The following CSMD1 variants were observed in gnomAD, a reference collection of about 807,000 sequenced individuals.
CSMD1 encodes CUB and Sushi multiple domains 1.
A neutral mutation model predicts 417.5 loss-of-function variants in CSMD1; 213 were observed. That is an observed-to-expected ratio of 0.51 (90% CI 0.46 to 0.57). The LOEUF is 0.57. CSMD1 is among the 20% of genes least tolerant of loss of function. CSMD1 has a pLI of 0.00. For synonymous variants in CSMD1, 2,862 were observed against 1,736.8 expected (o/e 1.65, Z -16.11); for missense variants, 6,923 against 4,529.7 (o/e 1.53, Z -15.17).
chr8:3,095,127 C>T (rs1040905510), intron 47 of CSMD1, among the ~76,000 whole-genome samples: 4 of 152,080 alleles, frequency 2.6e-5, no homozygotes, highest in Admixed American at 6.6e-5. Context: ...GACTTAAAAG[C>T]ATGGCCAGTA....
At chr8:4,524,666 T>C (rs948055881) in intron 2 of CSMD1, among the ~76,000 whole-genome samples, 1 of 151,894 alleles carries the variant, frequency 6.6e-6, no homozygotes, top group Admixed American at 6.6e-5. Flanking sequence ...AATAAATGTC[T>C]TTATCTCCTT....
intron 3 of CSMD1, among the ~76,000 whole-genome samples, chr8:4,065,766 G>C (rs1799213766): frequency 6.6e-6 from 1 of 152,104 alleles, no homozygotes; most frequent in Non-Finnish European, 1.5e-5. Flanking sequence ...TAAATATTTG[G>C]GGAACTACAG....
chr8:3,711,598 ATC>A (rs1801513212), intron 6 of CSMD1, among the ~76,000 whole-genome samples: 1 of 151,906 alleles, frequency 6.6e-6, no homozygotes, highest in African/African-American at 2.4e-5. Flanking sequence ...TCTCATCCTC[ATC>A]TCTGTGTTGT....
At chr8:3,055,183 C>T (rs1353819444) in intron 49 of CSMD1, among the ~76,000 whole-genome samples, 5 of 152,122 alleles carry the variant, frequency 3.3e-5, no homozygotes, top group African/African-American at 7.2e-5. Flanking sequence ...AGCCCCATCA[C>T]AAAACAATTC....
intron 36 of CSMD1, among the ~76,000 whole-genome samples, chr8:3,187,010 G>C (rs1821805920): frequency 6.6e-6 from 1 of 152,190 alleles, no homozygotes; most frequent in Non-Finnish European, 1.5e-5. Flanking sequence ...CCAATGTAAT[G>C]CCGGGCTTAC....
At chr8:4,932,493 C>T (rs1807313592) in intron 1 of CSMD1, among the ~76,000 whole-genome samples, 1 of 152,106 alleles carries the variant, frequency 6.6e-6, no homozygotes, top group African/African-American at 2.4e-5. Context: ...AGGCCTATTT[C>T]AATTAAAATG....
chr8:4,384,792 T>C (rs1310075049), intron 3 of CSMD1, among the ~76,000 whole-genome samples: 1 of 152,156 alleles, frequency 6.6e-6, no homozygotes, highest in Non-Finnish European at 1.5e-5. Context: ...ACTTCACTAA[T>C]CAGTCCTACA....
At chr8:4,757,959 CAAAAAAAAAAA>C (rs35869578) in intron 1 of CSMD1, among the ~76,000 whole-genome samples, 2 of 72,058 alleles carry the variant, frequency 2.8e-5, no homozygotes, top group African/African-American at 1.1e-4. Flanking sequence ...GACTTTGTCT[CAAAAAAAAAAA>C]AAAAAAAAAA....
intron 5 of CSMD1, among the ~76,000 whole-genome samples, chr8:3,783,015 A>G (rs534333408): frequency 6.6e-6 from 1 of 152,204 alleles, no homozygotes; most frequent in Admixed American, 6.5e-5. Flanking sequence ...CCTATAGCAC[A>G]TCGCAAGCAC....
At position 4,151,727 on chromosome 8, in the gene CSMD1, G is replaced by A. The variant is rs542827633; in HGVS notation, c.416-119628C>T. Among the ~76,000 whole-genome samples the A allele has an allele frequency of 3.3e-5, 5 of 152,182 alleles. No individual in the cohort carries two copies. In the South Asian group the frequency reaches 8.3e-4, roughly 25 times the overall value. Reference sequence around the variant, plus strand: ...AGCTCACACAGATAAATTAACAGCGGGTAAATACTAGAGGAAGACTGTAGC... The same window carrying A: ...AGCTCACACAGATAAATTAACAGCGAGTAAATACTAGAGGAAGACTGTAGC... On this transcript the variant is annotated intron_variant, in intron 3 of 69. Transcript: ENST00000635120.
intron 46 of CSMD1, among the ~76,000 whole-genome samples, chr8:3,097,350 C>T: frequency 6.6e-6 from 1 of 152,180 alleles, no homozygotes; most frequent in African/African-American, 2.4e-5. Context: ...CCTAACTCTA[C>T]TACAAAGAAG....
chr8:3,561,284 T>A (rs1415753108), intron 10 of CSMD1, among the ~76,000 whole-genome samples: 2 of 152,172 alleles, frequency 1.3e-5, no homozygotes, highest in Non-Finnish European at 2.9e-5. Context: ...TACTACTAGG[T>A]ATCTACTCAA....
At position 3,105,513 on chromosome 8, in the gene CSMD1, C is replaced by G. The variant is rs1489800725; in HGVS notation, c.6949+1015G>C. On this transcript the variant is annotated intron_variant, in intron 46 of 69. Transcript: ENST00000635120. Reference sequence around the variant, plus strand: ...TTCAAGCCTTTTTCATTCAATGATACTTGAAAGTGGTGTCTATTAATATTT... The same window carrying G: ...TTCAAGCCTTTTTCATTCAATGATAGTTGAAAGTGGTGTCTATTAATATTT... Among the ~76,000 whole-genome samples, 13 of 152,222 alleles carry G rather than the reference C, an allele frequency of 8.5e-5. No homozygotes were observed. The East Asian group carries it at 2.3e-3, about 27-fold the overall frequency.
chr8:3,302,100 C>A (rs1488600310), intron 25 of CSMD1, among the ~76,000 whole-genome samples: 1 of 151,922 alleles, frequency 6.6e-6, no homozygotes, highest in East Asian at 1.9e-4. Context: ...CTAAAGTCTC[C>A]CGCCCCTTGG....
intron 3 of CSMD1, among the ~76,000 whole-genome samples, chr8:4,169,719 C>G (rs118093816): frequency 9.9e-5 from 15 of 152,264 alleles, no homozygotes; most frequent in Admixed American, 3.3e-4. Context: ...GCTCCCTACC[C>G]CATTCTCACT....
intron 7 of CSMD1, among the ~76,000 whole-genome samples, chr8:3,637,879 G>C (rs1015124634): frequency 6.6e-6 from 1 of 152,124 alleles, no homozygotes; most frequent in Non-Finnish European, 1.5e-5. Flanking sequence ...AGATCTGATG[G>C]TTTTCTACAG....
intron 2 of CSMD1, among the ~76,000 whole-genome samples, chr8:4,615,766 A>G (rs1185056624): frequency 6.6e-6 from 1 of 152,198 alleles, no homozygotes; most frequent in Non-Finnish European, 1.5e-5. Context: ...CTACATTTCA[A>G]TTAATACTAC....
At chr8:4,669,170 A>G (rs865774317) in intron 1 of CSMD1, among the ~76,000 whole-genome samples, 5 of 152,130 alleles carry the variant, frequency 3.3e-5, no homozygotes, top group African/African-American at 1.2e-4. Flanking sequence ...TAGGGCTGGG[A>G]TGTGAATACT....
intron 3 of CSMD1, among the ~76,000 whole-genome samples, chr8:4,177,174 C>CT (rs1798096986): frequency 1.3e-5 from 2 of 152,018 alleles, no homozygotes; most frequent in Non-Finnish European, 2.9e-5. Context: ...GACCACATAG[C>CT]TGGAAGTAAA....
Sources: gnomAD v4.1 joint callset for allele counts (sites outside exome capture counted in the v4.1 genomes callset) on GRCh38, gnomAD v4.1.1 for gene constraint, MANE v1.5 for transcripts, NCBI Gene and HGNC (gene_info 2026-07-23, HGNC 2026-07-21) for gene names.